STX7: variants seen among roughly 807,000 people sequenced by gnomAD.
STX7 encodes the protein syntaxin-7.
In STX7, 34 loss-of-function variants were observed where a neutral mutation model predicts 39.6. That is an observed-to-expected ratio of 0.86 (90% confidence interval 0.65 to 1.14). The LOEUF (loss-of-function observed/expected upper bound fraction) is 1.14, where lower values mean the gene tolerates loss of function less well. Ranked by LOEUF, STX7 falls within the 50% of genes most tolerant of loss-of-function variation. The pLI is 0.00. For synonymous variants in STX7, 119 were observed against 99.1 expected (o/e 1.20, Z -1.19); for missense variants, 284 against 310.4 (o/e 0.92, Z 0.64).
chr6:132,452,205 C>A lies in STX7; in HGVS notation c.*8553G>T, dbSNP rs1774149618. 1 of 151,852 alleles carries A rather than the reference C, an allele frequency of 6.6e-6. No homozygotes were observed. Among genetic ancestry groups the A allele is most frequent in the South Asian group, 2.1e-4 (1 of 4,830 alleles). 9.4% of individuals were successfully genotyped at this position (151,852 alleles called of 1,614,324 possible). A position where few individuals can be genotyped will look rare whatever the true frequency, so the allele number is the denominator to read the frequency against. ...ACATAAAATTCATAATAAAAACTTG[C>A]AGAAAAAAAGGAATAAAAGATAACT... On this transcript the variant is annotated 3_prime_UTR_variant, in exon 10 of 10. Transcript: ENST00000367941.
At chr6:132,463,017 T>C (rs1774450297) in intron 9 of STX7, among the ~76,000 whole-genome samples, 1 of 151,824 alleles carries the variant, frequency 6.6e-6, no homozygotes, top group Non-Finnish European at 1.5e-5. Context: ...AGCCCAGGAG[T>C]TCCAGACCAG....
At chr6:132,487,173 C>T (rs1775157079) in intron 2 of STX7, among the ~76,000 whole-genome samples, 1 of 152,102 alleles carries the variant, frequency 6.6e-6, no homozygotes, top group African/African-American at 2.4e-5. Context: ...TAGAGCTAGG[C>T]AGGTTACTGA....
At position 132,456,857 on chromosome 6, in the gene STX7, T is replaced by C. The variant is rs138769155; in HGVS notation, c.*3901A>G. The C allele has an allele frequency of 6.6e-6, 1 of 152,384 alleles. No homozygotes were observed. The highest frequency in any genetic ancestry group is 2.4e-5 in the African/African-American group (1 of 41,582). 9.4% of individuals were successfully genotyped at this position (152,384 alleles called of 1,614,324 possible). A position where few individuals can be genotyped will look rare whatever the true frequency, so the allele number is the denominator to read the frequency against. ...ACACTTCCCACAAACTCCTTCTGTC[T>C]CTGGTTCTAAGTTGAGAGTTGACCA... On this transcript the variant is annotated 3_prime_UTR_variant, in exon 10 of 10. Coordinates refer to ENST00000367941, the MANE Select transcript of STX7 (RefSeq NM_003569.3).
intron 2 of STX7, among the ~76,000 whole-genome samples, chr6:132,484,007 C>A (rs958073733): frequency 1.3e-5 from 2 of 151,962 alleles, no homozygotes; most frequent in African/African-American, 4.8e-5. Flanking sequence ...TGAAACAAGC[C>A]GCAGTCTTTC....
intron 2 of STX7, among the ~76,000 whole-genome samples, chr6:132,487,837 TTA>T (rs1201164022): frequency 6.6e-6 from 1 of 152,200 alleles, no homozygotes; most frequent in African/African-American, 2.4e-5. Context: ...GGTTAGATGT[TTA>T]TCAGTTCTAT....
At chr6:132,475,564 CTCTTT>C (rs1562326661) in intron 3 of STX7, 24 bp downstream of exon 3, 5 of 1,499,010 alleles carry the variant, frequency 3.3e-6, no homozygotes, top group Admixed American at 1.9e-5. Context: ...TTTTTTCTTT[CTCTTT>C]TATTTATTTA....
In STX7 at chr6:132,454,941, A is replaced by G. The variant is rs1445911658; in HGVS notation, c.*5817T>C. 2.6e-5 allele frequency: 4 copies of G among 152,190 alleles called. No individual in the cohort carries two copies. The highest frequency in any genetic ancestry group is 5.9e-5 in the Non-Finnish European group (4 of 68,008). 9.4% of individuals were successfully genotyped at this position (152,190 alleles called of 1,614,324 possible). On this transcript the variant is annotated 3_prime_UTR_variant, in exon 10 of 10. Transcript: ENST00000367941. ...ATAACCTTTATGAGGCTGAACATTAAATCTGGCCCTGGGAAGAGGTTGGAT... is the reference window on the plus strand; with the variant it reads ...ATAACCTTTATGAGGCTGAACATTAGATCTGGCCCTGGGAAGAGGTTGGAT...
At chr6:132,463,822 A>C (rs575243381) in intron 9 of STX7, among the ~76,000 whole-genome samples, 171 bp downstream of exon 9, 1 of 152,290 alleles carries the variant, frequency 6.6e-6, no homozygotes, top group Non-Finnish European at 1.5e-5. Flanking sequence ...CAGGCTAAAA[A>C]CAGTTCTAAA....
At chr6:132,509,250 G>A (rs1775779368) in intron 1 of STX7, among the ~76,000 whole-genome samples, 1 of 152,030 alleles carries the variant, frequency 6.6e-6, no homozygotes, top group Admixed American at 6.5e-5. Context: ...ACAAGGTCAA[G>A]AGATTGAGAC....
Position 132,494,000 on chromosome 6 carries a change from A to T in STX7, c.85+9446T>A, listed in dbSNP as rs907193808. Reference sequence around the variant, plus strand: ...GAAAATAACTAGTCATTATTATAGAAATTCTTAAATAAATGTAGTATCAAA... The same window carrying T: ...GAAAATAACTAGTCATTATTATAGATATTCTTAAATAAATGTAGTATCAAA... On this transcript the variant is annotated intron_variant, in intron 2 of 9. Transcript: ENST00000367941. Among the ~76,000 whole-genome samples, 9 of 152,296 alleles carry T rather than the reference A, an allele frequency of 5.9e-5. 1 individual carries two copies. The South Asian group carries it at 1.9e-3, about 32-fold the overall frequency.
rs1774234293 is a variant in STX7, at chr6:132,456,017, T to G, written c.*4741A>C. The stretch of plus-strand genomic sequence containing the variant: ...ATAGATTCCAAATTCCCCTTGGATC[T>G]CACCCTTCTGTCTAGTGCTTTGCCC... On this transcript the variant is annotated 3_prime_UTR_variant, in exon 10 of 10. Transcript: ENST00000367941. 6.6e-6 allele frequency: 1 copy of G among 152,234 alleles called. No individual in the cohort carries two copies. Among genetic ancestry groups the G allele is most frequent in the Non-Finnish European group, 1.5e-5 (1 of 68,046 alleles). 9.4% of individuals were successfully genotyped at this position (152,234 alleles called of 1,614,324 possible). A position where few individuals can be genotyped will look rare whatever the true frequency, so the allele number is the denominator to read the frequency against.
chr6:132,467,972 A>G (rs1415023364), intron 8 of STX7, among the ~76,000 whole-genome samples: 1 of 152,234 alleles, frequency 6.6e-6, no homozygotes, highest in Non-Finnish European at 1.5e-5. Context: ...ATGAATGATT[A>G]GGCAAATGTC....
rs902638894 is a variant in STX7 at position 132,446,500 on chromosome 6, T to C, written c.*14258A>G. 4 of 152,184 alleles carry C rather than the reference T, an allele frequency of 2.6e-5. No homozygotes were observed. The highest frequency in any genetic ancestry group is 9.6e-5 in the African/African-American group (4 of 41,456). The allele number at this position is 152,184 out of a possible 1,614,324, so 9.4% of individuals were successfully genotyped here. On this transcript the variant is annotated 3_prime_UTR_variant, in exon 10 of 10. Transcript: ENST00000367941. ...TTTAAGAGATAATCTTTGTTTCTAATTAAGTGTGGAAGCTATCAACTATCG... is the reference window on the plus strand; with the variant it reads ...TTTAAGAGATAATCTTTGTTTCTAACTAAGTGTGGAAGCTATCAACTATCG...
rs940134322 is a variant in STX7 at position 132,457,922 on chromosome 6, T to G, written c.*2836A>C. ...ATTAAGGTGGACAATGACTTTATTT[T>G]CTTTACGTAAGTTTTATATTTTATT... On this transcript the variant is annotated 3_prime_UTR_variant, in exon 10 of 10. Coordinates refer to ENST00000367941, the MANE Select transcript of STX7 (RefSeq NM_003569.3). The G allele has an allele frequency of 6.6e-6, 1 of 152,242 alleles. No homozygotes were observed. Among genetic ancestry groups the G allele is most frequent in the African/African-American group, 2.4e-5 (1 of 41,466 alleles). The allele number at this position is 152,242 out of a possible 1,614,324, so 9.4% of individuals were successfully genotyped here.
In STX7 at chr6:132,471,465, A is replaced by G; in HGVS notation, c.385T>C (p.Ser129Pro). 1 of 1,612,480 alleles carries G rather than the reference A, an allele frequency of 6.2e-7. No individual in the cohort carries two copies. The highest frequency in any genetic ancestry group is 8.5e-7 in the Non-Finnish European group (1 of 1,179,398). ...VARVRASSRV[S>P]GSFPEDSSKE... ...AGAATGTCTTTTAAAATACTTACAG[A>G]CACTCTGGAACTGGCTCTTACTCGA... Residue 129 changes from serine to proline, a missense_variant and splice_region_variant, in exon 5 of 10, where the codon TCT becomes CCT. By Grantham distance (74) the Ser-to-Pro change is moderately conservative. Transcript: ENST00000367941.
At chr6:132,468,360 G>A (rs1306794200) in intron 8 of STX7, 43 bp downstream of exon 8, 1 of 1,461,890 alleles carries the variant, frequency 6.8e-7, no homozygotes, top group Non-Finnish European at 9.6e-7. Context: ...TAAAGTGCAT[G>A]TAGCTTGCTC....
chr6:132,511,672 T>C (rs1348647033), intron 1 of STX7, among the ~76,000 whole-genome samples: 1 of 152,218 alleles, frequency 6.6e-6, no homozygotes, highest in Non-Finnish European at 1.5e-5. Context: ...AACTGTATTC[T>C]TTGGCCTTAG....
chr6:132,496,141 A>G (rs943134175), intron 2 of STX7, among the ~76,000 whole-genome samples: 2 of 152,206 alleles, frequency 1.3e-5, no homozygotes, highest in Admixed American at 1.3e-4. Context: ...TACATGATGC[A>G]TATTTTAGCA....
intron 8 of STX7, among the ~76,000 whole-genome samples, chr6:132,464,834 A>G (rs1042493101): frequency 6.6e-6 from 1 of 152,122 alleles, no homozygotes. Flanking sequence ...CCGAGGGCCC[A>G]TGAAGCCTTC....
Sources: gnomAD v4.1 joint callset for allele counts (sites outside exome capture counted in the v4.1 genomes callset) on GRCh38, gnomAD v4.1.1 for gene constraint, MANE v1.5 for transcripts, NCBI Gene and HGNC (gene_info 2026-07-23, HGNC 2026-07-21) for gene names.